PSMC2: variants seen among roughly 807,000 people sequenced by gnomAD.
PSMC2 encodes 26S proteasome regulatory subunit 7.
Under a neutral mutation model 53.3 loss-of-function variants are expected in PSMC2, and 7 were observed. The observed-to-expected ratio is 0.13, with a 90% confidence interval of 0.07 to 0.25. The LOEUF (loss-of-function observed/expected upper bound fraction) is 0.25, where lower values mean the gene tolerates loss of function less well. Ranked by LOEUF, PSMC2 falls within the 10% of genes least tolerant of loss-of-function variation. The pLI is 1.00. For missense variants in PSMC2, 241 were observed against 544.0 expected (o/e 0.44, Z 5.54); for synonymous variants, 169 against 183.9 (o/e 0.92, Z 0.66).
intron 4 of PSMC2, among the ~76,000 whole-genome samples, chr7:103,356,078 G>GT (rs1563486497): frequency 6.6e-6 from 1 of 151,720 alleles, no homozygotes; most frequent in Non-Finnish European, 1.5e-5. Context: ...TTCCTCAAAC[G>GT]TAACTACTGA....
chr7:103,351,803 T>G (rs1819747216), intron 1 of PSMC2, among the ~76,000 whole-genome samples: 1 of 152,192 alleles, frequency 6.6e-6, no homozygotes, highest in Admixed American at 6.5e-5. Flanking sequence ...GTGTGGTACC[T>G]AGGTCCAAAG....
intron 1 of PSMC2, among the ~76,000 whole-genome samples, chr7:103,350,467 C>G (rs1819703248): frequency 6.6e-6 from 1 of 152,116 alleles, no homozygotes; most frequent in African/African-American, 2.4e-5. Flanking sequence ...TATTACTATT[C>G]TCCCACAGTA....
chr7:103,360,602 C>T (rs78906348), intron 4 of PSMC2, among the ~76,000 whole-genome samples: 2,577 of 152,284 alleles, frequency 0.017, 71 homozygotes, highest in East Asian at 0.11. Context: ...TACCTATGTG[C>T]GCACTCCACA....
At chr7:103,354,576 G>C (rs1463013881) in intron 2 of PSMC2, among the ~76,000 whole-genome samples, 2 of 152,028 alleles carry the variant, frequency 1.3e-5, no homozygotes, top group South Asian at 2.1e-4. Context: ...CATCATGTTG[G>C]CCAGGCTGGT....
intron 4 of PSMC2, among the ~76,000 whole-genome samples, chr7:103,359,727 A>G (rs1820265981): frequency 6.6e-6 from 1 of 152,182 alleles, no homozygotes; most frequent in African/African-American, 2.4e-5. Flanking sequence ...CATCATTCCT[A>G]TAAACTCTTT....
At chr7:103,356,322 C>T (rs750230345) in intron 4 of PSMC2, among the ~76,000 whole-genome samples, 16 of 152,154 alleles carry the variant, frequency 1.1e-4, no homozygotes, top group Non-Finnish European at 1.9e-4. Flanking sequence ...AGTGAATATT[C>T]GTGTTAAATG....
At chr7:103,356,686 GTCTTT>G (rs1275319276) in intron 4 of PSMC2, among the ~76,000 whole-genome samples, 1 of 152,056 alleles carries the variant, frequency 6.6e-6, no homozygotes. Flanking sequence ...TGTACATATT[GTCTTT>G]TCTTAAGTAT....
At chr7:103,360,037 C>T (rs1396590092) in intron 4 of PSMC2, among the ~76,000 whole-genome samples, 2 of 151,278 alleles carry the variant, frequency 1.3e-5, no homozygotes, top group South Asian at 2.1e-4. Flanking sequence ...GTCAAGATCG[C>T]GCCACTGCAC....
intron 4 of PSMC2, among the ~76,000 whole-genome samples, chr7:103,360,166 G>A (rs994399709): frequency 6.6e-6 from 1 of 151,204 alleles, no homozygotes; most frequent in East Asian, 1.9e-4. Flanking sequence ...TTCCCCTTAT[G>A]TATGAGCCAT....
intron 8 of PSMC2, among the ~76,000 whole-genome samples, chr7:103,364,958 C>CATATAT (rs59914167): frequency 0.18 from 22,724 of 125,134 alleles, 2,316 homozygotes; most frequent in Middle Eastern, 0.26. Flanking sequence ...TGTAGACATA[C>CATATAT]ATATATATAT....
intron 1 of PSMC2, chr7:103,353,027 T>C: frequency 2.6e-6 from 2 of 772,898 alleles, no homozygotes; most frequent in Non-Finnish European, 4.8e-6. Context: ...GAGTATTGAT[T>C]TGGGGATTAC....
At chr7:103,356,676 T>G (rs1208852579) in intron 4 of PSMC2, among the ~76,000 whole-genome samples, 1 of 152,250 alleles carries the variant, frequency 6.6e-6, no homozygotes, top group South Asian at 2.1e-4. Context: ...GTTCATATAT[T>G]GTACATATTG....
chr7:103,365,956 G>A (rs573621254), intron 8 of PSMC2, 120 bp from the exon 9 acceptor site: 2 of 771,614 alleles, frequency 2.6e-6, no homozygotes, highest in African/African-American at 1.8e-5. Flanking sequence ...AAAACGTTTA[G>A]GTAATAATGG....
At chr7:103,351,116 T>C (rs1359630463) in intron 1 of PSMC2, among the ~76,000 whole-genome samples, 2 of 152,186 alleles carry the variant, frequency 1.3e-5, no homozygotes, top group Non-Finnish European at 2.9e-5. Context: ...GCATCTGACC[T>C]CTAGAGCCAG....
chr7:103,363,667 T>G (rs991554411), intron 7 of PSMC2, among the ~76,000 whole-genome samples: 4 of 150,676 alleles, frequency 2.7e-5, no homozygotes, highest in African/African-American at 9.7e-5. Flanking sequence ...CTGTTTACAG[T>G]GACAGAGGAG....
chr7:103,358,938 C>A (rs1373147062), intron 4 of PSMC2, among the ~76,000 whole-genome samples: 3 of 150,760 alleles, frequency 2.0e-5, no homozygotes, highest in Non-Finnish European at 4.4e-5. Context: ...ATACTCTTTG[C>A]TTAAAACTCT....
chr7:103,352,164 C>G (rs1819759137), intron 1 of PSMC2, among the ~76,000 whole-genome samples: 1 of 122,378 alleles, frequency 8.2e-6, no homozygotes, highest in Non-Finnish European at 1.6e-5. Context: ...CTTACCTGGT[C>G]TAGCTGCTGT....
intron 8 of PSMC2, 141 bp downstream of exon 8, chr7:103,364,448 G>C (rs1820584113): frequency 1.1e-5 from 10 of 928,282 alleles, no homozygotes; most frequent in Non-Finnish European, 1.6e-5. Context: ...TCATTGTGTT[G>C]CCCAGGCTGG....
At chr7:103,356,154 A>AT (rs533626972) in intron 4 of PSMC2, among the ~76,000 whole-genome samples, 73 of 143,414 alleles carry the variant, frequency 5.1e-4, no homozygotes, top group South Asian at 2.0e-3. Context: ...ACATATCCTG[A>AT]TTTTTTTTTT....
Sources: allele counts gnomAD v4.1 joint callset (sites outside exome capture counted in the v4.1 genomes callset), GRCh38; gene constraint gnomAD v4.1.1; transcripts MANE v1.5; gene names NCBI Gene and HGNC (gene_info 2026-07-23, HGNC 2026-07-21).